EIF2S2: variants seen among roughly 807,000 people sequenced by gnomAD.
EIF2S2 encodes eukaryotic translation initiation factor 2 subunit 2.
A neutral mutation model predicts 44.0 loss-of-function variants in EIF2S2; 4 were observed. The ratio of observed to expected loss-of-function variants is 0.09; its 90% confidence interval spans 0.04 to 0.21. The LOEUF (loss-of-function observed/expected upper bound fraction) is 0.21, where lower values mean the gene tolerates loss of function less well. Ranked by LOEUF, EIF2S2 falls within the 10% of genes least tolerant of loss-of-function variation. The pLI is 1.00. For synonymous variants in EIF2S2, 108 were observed against 128.3 expected (o/e 0.84, Z 1.07); for missense variants, 154 against 392.0 (o/e 0.39, Z 5.13).
chr20:34,107,576 C>T (rs868630287), intron 1 of EIF2S2, among the ~76,000 whole-genome samples: 14 of 152,324 alleles, frequency 9.2e-5, no homozygotes, highest in African/African-American at 2.6e-4. Context: ...TTATATAATA[C>T]TTTACCATTC....
intron 4 of EIF2S2, 82 bp downstream of exon 4, chr20:34,098,416 A>C: frequency 1.3e-6 from 2 of 1,511,732 alleles, no homozygotes; most frequent in Non-Finnish European, 1.8e-6. Flanking sequence ...AAAATTTTAA[A>C]AGCACCCTCC....
chr20:34,090,487 GTGATC>G, intron 8 of EIF2S2, 25 bp downstream of exon 8: 1 of 1,320,342 alleles, frequency 7.6e-7, no homozygotes, highest in Non-Finnish European at 1.0e-6. Flanking sequence ...ACATTTCAGG[GTGATC>G]TAATGAAATG....
chr20:34,110,747 G>GT (rs774139208), intron 1 of EIF2S2, among the ~76,000 whole-genome samples: 3 of 152,134 alleles, frequency 2.0e-5, no homozygotes, highest in East Asian at 3.8e-4. Flanking sequence ...TCTTGCACAC[G>GT]TAAGTACTGT....
chr20:34,091,167 C>T (rs1370341493), intron 7 of EIF2S2, among the ~76,000 whole-genome samples: 1 of 152,156 alleles, frequency 6.6e-6, no homozygotes, highest in East Asian at 1.9e-4. Flanking sequence ...AAGTCTAAAA[C>T]AAACTGATTC....
intron 1 of EIF2S2, among the ~76,000 whole-genome samples, chr20:34,110,340 G>A (rs2034398698): frequency 6.6e-6 from 1 of 152,020 alleles, no homozygotes; most frequent in Non-Finnish European, 1.5e-5. Context: ...CAGGAACCAG[G>A]CCCTATACCC....
At chr20:34,111,434 C>G (rs2034410529) in intron 1 of EIF2S2, among the ~76,000 whole-genome samples, 1 of 152,142 alleles carries the variant, frequency 6.6e-6, no homozygotes, top group Non-Finnish European at 1.5e-5. Flanking sequence ...AAAAAAAGAT[C>G]CAGCCAGTTT....
intron 1 of EIF2S2, among the ~76,000 whole-genome samples, chr20:34,107,088 G>A (rs1440452573): frequency 1.3e-5 from 2 of 152,082 alleles, no homozygotes; most frequent in African/African-American, 4.8e-5. Context: ...TGAGGCAGGA[G>A]AATGGTGTGA....
rs865943168 is a variant in EIF2S2 at position 34,096,955 on chromosome 20, G to C, written c.535-150C>G. The C allele has an allele frequency of 2.4e-5, 20 of 850,002 alleles. No individual in the cohort carries two copies. In the African/African-American group the frequency reaches 2.7e-4, roughly 12 times the overall value. The allele number at this position is 850,002 out of a possible 1,614,324, so 52.7% of individuals were successfully genotyped here. On this transcript the variant is annotated intron_variant, in intron 5 of 8. Coordinates refer to ENST00000374980, the MANE Select transcript of EIF2S2 (RefSeq NM_003908.5). ...CAAGTCTGGGAGCTCCTTGAGGGCA[G>C]AGGTTCATCCCCAACCAGCATTTGG...
chr20:34,101,653 G>A (rs1389828368), intron 3 of EIF2S2, among the ~76,000 whole-genome samples: 7 of 151,094 alleles, frequency 4.6e-5, no homozygotes, highest in Middle Eastern at 3.4e-3. Flanking sequence ...GCAGAAGGTG[G>A]AGAACAGCAA....
At chr20:34,092,190 AATAAATGGAATTTT>A (rs1380107881) in intron 7 of EIF2S2, among the ~76,000 whole-genome samples, 2 of 152,342 alleles carry the variant, frequency 1.3e-5, no homozygotes, top group East Asian at 3.9e-4. Context: ...TCACTGTCAA[AATAAATGGAATTTT>A]CTCGAAAACC....
At position 34,089,802 on chromosome 20, in the gene EIF2S2, A is replaced by C; in HGVS notation, c.930T>G (p.Ser310=). The part of the protein sequence containing the change: ...LQCETCHSRC[S]VASIKTGFQA... ...GGAAGCCGGTTTTGATACTGGCAAC[A>C]GAACATCTAGAATGACAAGTTTCGC... Residue 310 remains serine (S), a synonymous_variant, in exon 9 of 9, where the codon TCT becomes TCG. Coordinates refer to ENST00000374980, the MANE Select transcript of EIF2S2 (RefSeq NM_003908.5). 6.2e-7 allele frequency: 1 copy of C among 1,613,952 alleles called. No individual in the cohort carries two copies. The highest frequency in any genetic ancestry group is 1.1e-5 in the South Asian group (1 of 91,076).
chr20:34,104,807 T>C (rs888171544), intron 2 of EIF2S2, among the ~76,000 whole-genome samples: 3 of 152,204 alleles, frequency 2.0e-5, no homozygotes, highest in East Asian at 1.9e-4. Flanking sequence ...TTTAAACATG[T>C]AGAAGACACT....
chr20:34,100,264 C>T (rs1208562111), intron 3 of EIF2S2, among the ~76,000 whole-genome samples: 1 of 152,204 alleles, frequency 6.6e-6, no homozygotes, highest in African/African-American at 2.4e-5. Context: ...ATCCACCGGC[C>T]CGGGCCTCCC....
intron 3 of EIF2S2, among the ~76,000 whole-genome samples, chr20:34,099,828 T>A (rs1367579263): frequency 6.6e-6 from 1 of 152,074 alleles, no homozygotes; most frequent in East Asian, 1.9e-4. Flanking sequence ...CAGCCAAACA[T>A]AAGCAATGCA....
chr20:34,093,843 T>C (rs1038348807), intron 6 of EIF2S2, 112 bp from the exon 7 acceptor site: 2 of 878,282 alleles, frequency 2.3e-6, no homozygotes, highest in African/African-American at 1.7e-5. Flanking sequence ...TAAGTGAATT[T>C]CACTGCACCA....
chr20:34,098,674 T>A, intron 3 of EIF2S2, 41 bp from the exon 4 acceptor site: 1 of 1,580,932 alleles, frequency 6.3e-7, no homozygotes, highest in Non-Finnish European at 8.6e-7. Flanking sequence ...ATACTGGGAC[T>A]ATTCTTTTTT....
In EIF2S2 at chr20:34,112,202, C is replaced by G. The variant is rs2122451112; in HGVS notation, c.-92G>C. Reference sequence around the variant, plus strand: ...AGCGCTGCCCCTGCCGATACCTCTCCCACCACCGCACTAGGCTCTTGCATC... The same window carrying G: ...AGCGCTGCCCCTGCCGATACCTCTCGCACCACCGCACTAGGCTCTTGCATC... On this transcript the variant is annotated 5_prime_UTR_variant, in exon 1 of 9. Transcript: ENST00000374980. The G allele has an allele frequency of 7.3e-7, 1 of 1,378,654 alleles. No individual in the cohort carries two copies. Among genetic ancestry groups the G allele is most frequent in the South Asian group, 1.4e-5 (1 of 72,428 alleles). The allele number at this position is 1,378,654 out of a possible 1,614,324, so 85.4% of individuals were successfully genotyped here. A position where few individuals can be genotyped will look rare whatever the true frequency, so the allele number is the denominator to read the frequency against.
chr20:34,109,307 C>A (rs891234105), intron 1 of EIF2S2, among the ~76,000 whole-genome samples: 4 of 152,076 alleles, frequency 2.6e-5, no homozygotes, highest in African/African-American at 9.7e-5. Context: ...CTGCTTTTAA[C>A]AAATAGTCTG....
At chr20:34,099,660 G>A (rs570999439) in intron 3 of EIF2S2, among the ~76,000 whole-genome samples, 2 of 152,218 alleles carry the variant, frequency 1.3e-5, no homozygotes, top group South Asian at 2.1e-4. Context: ...CAGTCACCAC[G>A]TATTGGGTTC....
Sources: allele counts gnomAD v4.1 joint callset (sites outside exome capture counted in the v4.1 genomes callset), GRCh38; gene constraint gnomAD v4.1.1; transcripts MANE v1.5; gene names NCBI Gene and HGNC (gene_info 2026-07-23, HGNC 2026-07-21).